PEMT: variants seen among roughly 807,000 people sequenced by gnomAD.
PEMT encodes phosphatidylethanolamine N-methyltransferase.
PEMT carries 23 observed loss-of-function variants against 27.4 expected under a neutral mutation model. The observed-to-expected ratio is 0.84, with a 90% confidence interval of 0.60 to 1.19. The LOEUF is 1.19. Among genes scored for constraint, PEMT ranks in the 50% most tolerant of loss-of-function variants. PEMT has a pLI of 0.00. For missense variants in PEMT, 307 were observed against 310.1 expected, an observed-to-expected ratio of 0.99 and a Z score of 0.07; for synonymous variants, 137 against 139.1, an observed-to-expected ratio of 0.98 and a Z score of 0.11.
chr17:17,544,207 C>T (rs1025613658), intron 2 of PEMT, among the ~76,000 whole-genome samples: 5 of 152,056 alleles, frequency 3.3e-5, no homozygotes, highest in Admixed American at 6.5e-5. Flanking sequence ...AACATGGAGG[C>T]ACCCAGACAG....
At chr17:17,545,164 G>A (rs1057190636) in intron 2 of PEMT, among the ~76,000 whole-genome samples, 1 of 152,230 alleles carries the variant, frequency 6.6e-6, no homozygotes, top group African/African-American at 2.4e-5. Flanking sequence ...ATGGCGTGTT[G>A]AGCGGGGCAG....
intron 2 of PEMT, among the ~76,000 whole-genome samples, chr17:17,549,905 G>A (rs1032333366): frequency 1.3e-5 from 2 of 152,214 alleles, no homozygotes; most frequent in East Asian, 1.9e-4. Flanking sequence ...CTGCAAGTCC[G>A]CAGCTTCCAG....
At chr17:17,526,388 C>T (rs1312267290) in intron 2 of PEMT, among the ~76,000 whole-genome samples, 1 of 152,212 alleles carries the variant, frequency 6.6e-6, no homozygotes, top group East Asian at 1.9e-4. Flanking sequence ...CAGCTGCCCG[C>T]TACCTAAACT....
intron 1 of PEMT, 152 bp from the exon 2 acceptor site, chr17:17,577,179 A>T: frequency 1.6e-6 from 1 of 639,866 alleles, no homozygotes; most frequent in Non-Finnish European, 2.8e-6. Context: ...GTCTCATAAA[A>T]GGGAAGATAA....
rs541484274 is a variant in PEMT, at chr17:17,579,654, G to A, written c.97-2627C>T. Among the ~76,000 whole-genome samples the A allele has an allele frequency of 1.3e-4, 20 of 152,296 alleles. No homozygotes were observed. The South Asian group carries it at 4.1e-3, about 32-fold the overall frequency. On this transcript the variant is annotated intron_variant, in intron 1 of 6. Coordinates refer to ENST00000255389, the MANE Select transcript of PEMT (RefSeq NM_148172.3). ...GATGCGCCACTGCACTCCACTGGGT[G>A]ACAGAGCAACACTTCATCTGAAAAC...
intron 2 of PEMT, among the ~76,000 whole-genome samples, chr17:17,536,281 T>C (rs1908466010): frequency 6.6e-6 from 1 of 152,214 alleles, no homozygotes; most frequent in African/African-American, 2.4e-5. Context: ...AGTAAATGGA[T>C]TGTAACTCAG....
intron 2 of PEMT, chr17:17,570,979 C>A (rs1022384641): frequency 1.1e-6 from 1 of 908,396 alleles, no homozygotes; most frequent in Non-Finnish European, 1.3e-6. Flanking sequence ...CCTTTGGAGA[C>A]TGGAGACTCC....
chr17:17,547,131 A>G (rs7219779), intron 2 of PEMT, among the ~76,000 whole-genome samples: 152,384 of 152,390 alleles, frequency 1, 76,189 homozygotes, highest in Middle Eastern at 1. Flanking sequence ...TAATTCAATC[A>G]GAAATAATTG....
intron 3 of PEMT, among the ~76,000 whole-genome samples, chr17:17,514,991 G>T (rs953730615): frequency 2.0e-5 from 3 of 152,206 alleles, no homozygotes; most frequent in African/African-American, 7.2e-5. Flanking sequence ...TGCAGGCCTC[G>T]GCCCGGCAGG....
intron 2 of PEMT, among the ~76,000 whole-genome samples, chr17:17,565,462 G>A (rs1490107853): frequency 6.6e-6 from 1 of 152,268 alleles, no homozygotes; most frequent in Non-Finnish European, 1.5e-5. Context: ...TGAACCGGGA[G>A]GCCCAGTGGG....
Position 17,508,111 on chromosome 17 carries a change from AGT to A in PEMT, c.578+1321_578+1322del, listed in dbSNP as rs533757002. On this transcript the variant is annotated intron_variant, in intron 5 of 6. Transcript: ENST00000255389. ...GTGGGAGGGTTCTAGGCGAGGGAAC[AGT>A]GTGTGAGTGCATACATGCATGTGTT... is the stretch of plus-strand genomic sequence containing the variant. The A allele has an allele frequency of 3.2e-3, 485 of 152,564 alleles. 6 individuals carry two copies. Among genetic ancestry groups the A allele is most frequent in the Non-Finnish European group, 2.8e-3 (193 of 68,232 alleles). 9.5% of individuals were successfully genotyped at this position (152,564 alleles called of 1,614,324 possible).
In PEMT at chr17:17,520,459, C is replaced by T. The variant is rs777953262; in HGVS notation, c.320+1821G>A. ...CAGCGCTTCATGAGCTGTAAAACCT[C>T]GGGCAACCATTGCTTCTTTCCAAGC... On this transcript the variant is annotated intron_variant, in intron 3 of 6. Coordinates refer to ENST00000255389, the MANE Select transcript of PEMT (RefSeq NM_148172.3). Among the ~76,000 whole-genome samples the T allele has an allele frequency of 3.3e-5, 5 of 152,362 alleles. No individual in the cohort carries two copies. The East Asian group carries it at 9.7e-4, about 29-fold the overall frequency.
intron 3 of PEMT, among the ~76,000 whole-genome samples, chr17:17,520,989 C>T (rs11657678): frequency 0.079 from 12,093 of 152,342 alleles, 682 homozygotes; most frequent in African/African-American, 0.15. Context: ...AGGCCTGCCC[C>T]GGCTCCGCAC....
chr17:17,576,377 CTTCCT>C (rs1228164278), intron 2 of PEMT, among the ~76,000 whole-genome samples: 1 of 152,242 alleles, frequency 6.6e-6, no homozygotes, highest in Non-Finnish European at 1.5e-5. Flanking sequence ...ACGCTGGTGG[CTTCCT>C]TTCAACTCAT....
intron 2 of PEMT, among the ~76,000 whole-genome samples, chr17:17,572,297 T>G (rs1265902522): frequency 1.3e-5 from 2 of 152,172 alleles, no homozygotes; most frequent in Non-Finnish European, 1.5e-5. Context: ...AAACTCTGAC[T>G]CAGATCATGC....
intron 2 of PEMT, among the ~76,000 whole-genome samples, chr17:17,533,917 G>T (rs1250272623): frequency 1.3e-5 from 2 of 152,090 alleles, no homozygotes; most frequent in Non-Finnish European, 2.9e-5. Context: ...TTTTAGTAGA[G>T]ATAGGGGTTT....
rs952982102 is a variant in PEMT at position 17,561,154 on chromosome 17, C to T, written c.204+15766G>A. On this transcript the variant is annotated intron_variant, in intron 2 of 6. Coordinates refer to ENST00000255389, the MANE Select transcript of PEMT (RefSeq NM_148172.3). This position sits in a 1 kb window ranked among gnomAD's most constrained non-coding sequence, Gnocchi z 4.5. The stretch of plus-strand genomic sequence containing the variant: ...CAGTCATCAAACATTCACTGGGCAC[C>T]GTGGGGCAGGGCCCAGAGGACAACA... Among the ~76,000 whole-genome samples, 2 of 152,046 alleles carry T rather than the reference C, an allele frequency of 1.3e-5. No homozygotes were observed. The highest frequency in any genetic ancestry group is 2.1e-4 in the South Asian group (1 of 4,824).
intron 1 of PEMT, among the ~76,000 whole-genome samples, chr17:17,586,284 GAAAGA>G (rs763443803): frequency 0.012 from 865 of 72,456 alleles, 2 homozygotes; most frequent in Non-Finnish European, 0.016. Context: ...AAGAAAGAAA[GAAAGA>G]AAAAAAAAAA....
intron 2 of PEMT, among the ~76,000 whole-genome samples, chr17:17,535,933 C>T (rs1236175535): frequency 1.3e-5 from 2 of 152,208 alleles, no homozygotes; most frequent in African/African-American, 2.4e-5. Context: ...GTGACAGTCC[C>T]CATCGGTGAG....
Sources: gnomAD v4.1 joint callset for allele counts (sites outside exome capture counted in the v4.1 genomes callset) on GRCh38, gnomAD v4.1.1 for gene constraint, Gnocchi (gnomAD v3.1) non-coding constraint, MANE v1.5 for transcripts, NCBI Gene and HGNC (gene_info 2026-07-23, HGNC 2026-07-21) for gene names.